The following TRIQK variants were observed in gnomAD, a reference collection of about 807,000 sequenced individuals.
TRIQK encodes triple QxxK/R motif containing.
A neutral mutation model predicts 10.8 loss-of-function variants in TRIQK; 10 were observed. That is an observed-to-expected ratio of 0.92 (90% CI 0.57 to 1.57). The LOEUF is 1.57. Ranked by LOEUF, TRIQK falls within the 40% of genes most tolerant of loss-of-function variation. The pLI, the probability that TRIQK is intolerant of heterozygous loss-of-function variation, is 0.00. For synonymous variants in TRIQK, 33 were observed against 33.7 expected (o/e 0.98, Z 0.07); for missense variants, 107 against 97.7 (o/e 1.09, Z -0.40).
chr8:93,007,532 G>T (rs1015009943), intron 1 of TRIQK, among the ~76,000 whole-genome samples: 1 of 152,202 alleles, frequency 6.6e-6, no homozygotes, highest in African/African-American at 2.4e-5. Flanking sequence ...GGCTGAGATG[G>T]ATGAAATGCA....
At chr8:92,918,870 C>A (rs994768064) in intron 2 of TRIQK, among the ~76,000 whole-genome samples, 9 of 151,150 alleles carry the variant, frequency 6.0e-5, no homozygotes, top group Non-Finnish European at 1.5e-5. Context: ...ACATTTAAGT[C>A]TTTAATCCAT....
intron 1 of TRIQK, among the ~76,000 whole-genome samples, chr8:92,961,756 T>C (rs537846732): frequency 6.6e-5 from 10 of 152,350 alleles, no homozygotes; most frequent in African/African-American, 2.4e-4. Flanking sequence ...TATCTTTCTT[T>C]TGTCATTGTC....
At chr8:92,939,374 G>C (rs1023342628) in intron 2 of TRIQK, among the ~76,000 whole-genome samples, 1 of 152,148 alleles carries the variant, frequency 6.6e-6, no homozygotes, top group African/African-American at 2.4e-5. Context: ...AAGCAAAGGG[G>C]ATAGAATGGC....
chr8:92,988,031 G>T (rs926751346), intron 1 of TRIQK, among the ~76,000 whole-genome samples: 2 of 130,096 alleles, frequency 1.5e-5, no homozygotes, highest in African/African-American at 5.7e-5. Flanking sequence ...TTTTGAGACG[G>T]AGTCTTGCTC....
intron 2 of TRIQK, among the ~76,000 whole-genome samples, chr8:92,918,671 C>G (rs893535313): frequency 3.9e-5 from 6 of 151,902 alleles, no homozygotes; most frequent in Admixed American, 3.3e-4. Flanking sequence ...TGTAAGTTGT[C>G]TCTTCACTTT....
intron 2 of TRIQK, among the ~76,000 whole-genome samples, chr8:92,946,566 A>G (rs145968550): frequency 6.6e-6 from 1 of 152,278 alleles, no homozygotes; most frequent in African/African-American, 2.4e-5. Context: ...TTTAGCTCAG[A>G]TCAGAAAATG....
chr8:92,996,990 C>G (rs1586526542), intron 1 of TRIQK, among the ~76,000 whole-genome samples: 1 of 151,964 alleles, frequency 6.6e-6, no homozygotes, highest in South Asian at 2.1e-4. Flanking sequence ...CATTCGTGTC[C>G]ACTGAGAAAT....
At chr8:92,967,716 G>A (rs1812808545), upstream of TRIQK, among the ~76,000 whole-genome samples, 1 of 151,438 alleles carries the variant, frequency 6.6e-6, no homozygotes, top group Non-Finnish European at 1.5e-5. Context: ...CAGCTACTCA[G>A]GAGCCTGAGG....
chr8:92,919,526 C>T (rs992199442), intron 2 of TRIQK, among the ~76,000 whole-genome samples: 4 of 151,692 alleles, frequency 2.6e-5, no homozygotes, highest in African/African-American at 9.7e-5. Flanking sequence ...GAACGTGTTG[C>T]TGAATTTGGT....
upstream of TRIQK, among the ~76,000 whole-genome samples, chr8:92,968,659 T>C (rs900547611): frequency 6.6e-6 from 1 of 152,206 alleles, no homozygotes; most frequent in African/African-American, 2.4e-5. Flanking sequence ...TTTGTTTTTT[T>C]CTTGTAAATT....
intron 2 of TRIQK, among the ~76,000 whole-genome samples, chr8:92,924,740 ATAT>A (rs1276640565): frequency 1.3e-5 from 2 of 151,788 alleles, no homozygotes; most frequent in Non-Finnish European, 2.9e-5. Context: ...AATTATTTCA[ATAT>A]TATAAGTCAT....
chr8:92,955,161 T>C (rs957081148), intron 1 of TRIQK, among the ~76,000 whole-genome samples: 1 of 151,802 alleles, frequency 6.6e-6, no homozygotes, highest in Admixed American at 6.6e-5. Context: ...TGCTCTCATA[T>C]GGATAAGAGT....
At chr8:92,949,527 AGAAAGAAGGAAG>A (rs1811719318) in intron 2 of TRIQK, among the ~76,000 whole-genome samples, 2 of 145,302 alleles carry the variant, frequency 1.4e-5, no homozygotes, top group Admixed American at 7.1e-5. Flanking sequence ...AGAAAAAGAA[AGAAAGAAGGAAG>A]GAAGGAAGGA....
At chr8:93,006,170 C>T (rs899397883) in intron 1 of TRIQK, among the ~76,000 whole-genome samples, 1 of 151,646 alleles carries the variant, frequency 6.6e-6, no homozygotes, top group African/African-American at 2.4e-5. Context: ...GGGGAGGGGC[C>T]AAAATGGGCG....
intron 3 of TRIQK, among the ~76,000 whole-genome samples, chr8:92,898,868 T>TATATAG (rs1396250130): frequency 7.5e-6 from 1 of 132,598 alleles, no homozygotes; most frequent in African/African-American, 2.8e-5. Context: ...TATATATATA[T>TATATAG]ATATAGATGG....
chr8:92,965,628 G>C (rs1012080370), intron 1 of TRIQK: 2 of 152,372 alleles, frequency 1.3e-5, no homozygotes, highest in African/African-American at 4.8e-5. Flanking sequence ...GACCTTGGGA[G>C]GTGGGCGGGA....
chr8:92,981,924 G>A lies in TRIQK; in HGVS notation c.-180-27360C>T, dbSNP rs191999294. Among the ~76,000 whole-genome samples the A allele has an allele frequency of 7.8e-3, 1,189 of 151,672 alleles. 52 individuals are homozygous for A. The highest frequency in any genetic ancestry group is 0.072 in the Admixed American group (1,092 of 15,208). On this transcript the variant is annotated intron_variant, in intron 1 of 4. Transcript: ENST00000520686. ...CCAGGAAATTGAAATAGAAAGAGAG[G>A]GTGGAGCATTTACCTAGTGTGCCAC...
At chr8:93,000,823 T>A (rs28812525) in intron 1 of TRIQK, among the ~76,000 whole-genome samples, 1 of 140,996 alleles carries the variant, frequency 7.1e-6, no homozygotes, top group African/African-American at 2.8e-5. Flanking sequence ...CATACACAAA[T>A]GGTAAAGAGA....
At chr8:92,998,104 A>C (rs1763440556) in intron 1 of TRIQK, among the ~76,000 whole-genome samples, 1 of 151,996 alleles carries the variant, frequency 6.6e-6, no homozygotes, top group South Asian at 2.1e-4. Context: ...ATGCTCAGTC[A>C]GCCTCAAGGC....
Sources: gnomAD v4.1 joint callset for allele counts (sites outside exome capture counted in the v4.1 genomes callset) on GRCh38, gnomAD v4.1.1 for gene constraint, MANE v1.5 for transcripts, NCBI Gene and HGNC (gene_info 2026-07-23, HGNC 2026-07-21) for gene names.